Variants in CBFA2T2 observed in about 807,000 individuals in gnomAD.
The protein encoded by CBFA2T2 is protein CBFA2T2.
In CBFA2T2, 11 loss-of-function variants were observed where a neutral mutation model predicts 62.2. The observed-to-expected ratio is 0.18, with a 90% CI of 0.11 to 0.29. CBFA2T2 has a LOEUF of 0.29. CBFA2T2 is among the 10% of genes least tolerant of loss of function. The pLI, the probability that CBFA2T2 is intolerant of heterozygous loss-of-function variation, is 1.00. For synonymous variants in CBFA2T2, 295 were observed against 287.5 expected (o/e 1.03, Z -0.27); for missense variants, 592 against 774.1 (o/e 0.76, Z 2.79).
At chr20:33,581,817 A>G (rs1305755182) in intron 1 of CBFA2T2, among the ~76,000 whole-genome samples, 1 of 152,232 alleles carries the variant, frequency 6.6e-6, no homozygotes, top group Non-Finnish European at 1.5e-5. Flanking sequence ...GAGGTATGTT[A>G]TAATAGGAAG....
intron 1 of CBFA2T2, chr20:33,573,956 A>ATTTT: frequency 2.7e-5 from 9 of 330,824 alleles, no homozygotes; most frequent in South Asian, 1.1e-4. Flanking sequence ...AATTTTTCTT[A>ATTTT]TTTTTTTTTT....
In CBFA2T2 at chr20:33,494,260, TA is replaced by T. The variant is rs2011173443; in HGVS notation, c.34+3960del. 3.9e-3 allele frequency among the ~76,000 whole-genome samples: 307 copies of T among 77,958 alleles called. 11 individuals carry two copies. Among genetic ancestry groups the T allele is most frequent in the African/African-American group, 0.016 (295 of 18,302 alleles). 51.1% of individuals were successfully genotyped at this position (77,958 alleles called of 152,430 possible). On this transcript the variant is annotated intron_variant, in intron 1 of 10. Transcript: ENST00000342704. ...ATATATGTGTATATATATATATATA[TA>T]TATATATATATATTTTTTTTTTTTT...
At chr20:33,630,477 A>C (rs2122356816) in intron 8 of CBFA2T2, among the ~76,000 whole-genome samples, 1 of 152,206 alleles carries the variant, frequency 6.6e-6, no homozygotes, top group Non-Finnish European at 1.5e-5. Context: ...TCCTGTCCCC[A>C]GCCCACCATT....
chr20:33,608,659 G>T (rs375981537), intron 2 of CBFA2T2, among the ~76,000 whole-genome samples: 1 of 152,252 alleles, frequency 6.6e-6, no homozygotes, highest in Admixed American at 6.5e-5. Flanking sequence ...CCATCAATCA[G>T]ATTTCAAGAT....
In CBFA2T2 at chr20:33,646,860, CA is replaced by C. The variant is rs113099411; in HGVS notation, c.*2231del. 2,494 of 97,526 alleles carry C rather than the reference CA, an allele frequency of 0.026. 30 individuals carry two copies. Among genetic ancestry groups the C allele is most frequent in the African/African-American group, 0.037 (896 of 24,292 alleles). The allele number at this position is 97,526 out of a possible 1,614,324, so 6.0% of individuals were successfully genotyped here. ...TGGGCAACAGAGCAAAACTCTGTCT[CA>C]AAAAAAAAAAAAAAAAGGCAAAATT... On this transcript the variant is annotated 3_prime_UTR_variant, in exon 11 of 11. Transcript: ENST00000342704.
In CBFA2T2 at chr20:33,644,631, C is replaced by T. The variant is rs1485751286; in HGVS notation, c.1773C>T (p.Asp591=). Reference sequence around the variant, plus strand: ...CACCTGCTTCTGTGACAGCTATCGACACCAACGGACTCTGAGCCCCGGACT... The same window carrying T: ...CACCTGCTTCTGTGACAGCTATCGATACCAACGGACTCTGAGCCCCGGACT... ...SSTPASVTAI[D]TNGL is the part of the protein sequence containing the mutation. Residue 591 remains aspartate (D), a synonymous_variant, in exon 11 of 11, where the codon GAC becomes GAT. Coordinates refer to ENST00000342704, the MANE Select transcript of CBFA2T2 (RefSeq NM_001032999.3). The T allele has an allele frequency of 1.9e-6, 3 of 1,604,704 alleles. No homozygotes were observed. Among genetic ancestry groups the T allele is most frequent in the Non-Finnish European group, 2.6e-6 (3 of 1,172,926 alleles).
chr20:33,574,129 T>C, intron 1 of CBFA2T2: 2 of 1,593,910 alleles, frequency 1.3e-6, no homozygotes, highest in Non-Finnish European at 1.7e-6. Context: ...TGGTAGTTTT[T>C]GTGGAGCACA....
chr20:33,490,315 G>T lies in CBFA2T2; in HGVS notation c.34+14G>T. ...CCGCCTTCCAGCGTAAGTGGGGCGT[G>T]AATGCGGGCGGCCGAGGGGGGCGTG... On this transcript the variant is annotated intron_variant, in intron 1 of 10. Coordinates refer to ENST00000342704, the MANE Select transcript of CBFA2T2 (RefSeq NM_001032999.3). The T allele has an allele frequency of 7.8e-7, 1 of 1,284,748 alleles. No individual in the cohort carries two copies. The highest frequency in any genetic ancestry group is 9.8e-7 in the Non-Finnish European group (1 of 1,016,444). 79.6% of individuals were successfully genotyped at this position (1,284,748 alleles called of 1,614,324 possible).
rs1323841956 is a variant in CBFA2T2 at position 33,649,903 on chromosome 20, C to CTGAT, written c.*5258_*5261dup. ...TTTTTCTGTGCTTTGTCATTTTACT[C>CTGAT]TGATAGGAATTTTTGTTACCTAACT... On this transcript the variant is annotated 3_prime_UTR_variant, in exon 11 of 11. Coordinates refer to ENST00000342704, the MANE Select transcript of CBFA2T2 (RefSeq NM_001032999.3). 2.6e-5 allele frequency: 4 copies of CTGAT among 152,756 alleles called. No homozygotes were observed. Among genetic ancestry groups the CTGAT allele is most frequent in the African/African-American group, 9.6e-5 (4 of 41,580 alleles). 9.5% of individuals were successfully genotyped at this position (152,756 alleles called of 1,614,324 possible).
At chr20:33,577,770 G>T (rs554653196) in intron 1 of CBFA2T2, among the ~76,000 whole-genome samples, 4 of 152,230 alleles carry the variant, frequency 2.6e-5, no homozygotes, top group African/African-American at 7.2e-5. Flanking sequence ...CATAATTTTT[G>T]ACTTCTCTGA....
intron 1 of CBFA2T2, among the ~76,000 whole-genome samples, chr20:33,585,194 G>T (rs1199714087): frequency 6.6e-6 from 1 of 152,068 alleles, no homozygotes; most frequent in Non-Finnish European, 1.5e-5. Flanking sequence ...AGGAATGCGT[G>T]GCATTCAAGT....
At chr20:33,535,809 CCCTGCGGCCTT>C (rs1426477886) in intron 1 of CBFA2T2, among the ~76,000 whole-genome samples, 2 of 151,724 alleles carry the variant, frequency 1.3e-5, no homozygotes, top group African/African-American at 4.8e-5. Flanking sequence ...AGGCAGAGGA[CCCTGCGGCCTT>C]CCGCAGTGTT....
At chr20:33,500,757 G>T (rs1600900672) in intron 1 of CBFA2T2, among the ~76,000 whole-genome samples, 1 of 151,722 alleles carries the variant, frequency 6.6e-6, no homozygotes, top group South Asian at 2.1e-4. Flanking sequence ...AAATAATTGG[G>T]GTATGATTTA....
rs988302882 is a variant in CBFA2T2 at position 33,556,160 on chromosome 20, G to A, written c.35-50796G>A. ...GGGATTACAAATGTGAGCCACTGCG[G>A]CTCTTTAATTTTTCTTATTCTAAAA... On this transcript the variant is annotated intron_variant, in intron 1 of 10. Transcript: ENST00000342704. 4.6e-5 allele frequency among the ~76,000 whole-genome samples: 7 copies of A among 152,258 alleles called. No individual in the cohort carries two copies. In the East Asian group the frequency reaches 1.4e-3, roughly 29 times the overall value.
intron 1 of CBFA2T2, among the ~76,000 whole-genome samples, chr20:33,606,490 C>T (rs1446072338): frequency 1.3e-5 from 2 of 152,180 alleles, no homozygotes; most frequent in Admixed American, 1.3e-4. Flanking sequence ...GATTCCTTCC[C>T]GGGGTTTCAG....
chr20:33,583,809 TC>T (rs2014227200), intron 1 of CBFA2T2, among the ~76,000 whole-genome samples: 1 of 152,216 alleles, frequency 6.6e-6, no homozygotes, highest in South Asian at 2.1e-4. Context: ...GTAAGCACTT[TC>T]CTGTACCCCT....
intron 10 of CBFA2T2, among the ~76,000 whole-genome samples, chr20:33,642,166 A>G (rs2016883684): frequency 7.5e-6 from 1 of 133,998 alleles, no homozygotes; most frequent in African/African-American, 2.7e-5. Flanking sequence ...GTGTGTGTGG[A>G]TAACAGGGTC....
At chr20:33,533,625 A>G (rs1262721308) in intron 1 of CBFA2T2, among the ~76,000 whole-genome samples, 1 of 152,126 alleles carries the variant, frequency 6.6e-6, no homozygotes, top group African/African-American at 2.4e-5. Flanking sequence ...ACATTCATAT[A>G]TAAATGTTTA....
intron 1 of CBFA2T2, among the ~76,000 whole-genome samples, chr20:33,566,339 C>G: frequency 6.6e-6 from 1 of 152,164 alleles, no homozygotes; most frequent in Admixed American, 6.5e-5. Flanking sequence ...GCGCCAGTAG[C>G]TCACACCTGT....
Sources: allele counts gnomAD v4.1 joint callset (sites outside exome capture counted in the v4.1 genomes callset), GRCh38; gene constraint gnomAD v4.1.1; transcripts MANE v1.5; gene names NCBI Gene and HGNC (gene_info 2026-07-23, HGNC 2026-07-21).